Variants in ZNF423 observed in about 807,000 individuals in gnomAD.
The protein encoded by ZNF423 is Ebf-associated zinc finger protein.
Under a neutral mutation model 95.8 loss-of-function variants are expected in ZNF423, and 12 were observed. The ratio of observed to expected loss-of-function variants is 0.13; its 90% CI spans 0.08 to 0.20. ZNF423 has a LOEUF of 0.20. ZNF423 is among the 10% of genes least tolerant of loss of function. The probability of loss-of-function intolerance (pLI) is 1.00; values close to 1 mark genes in which losing one functional copy is unlikely to be tolerated. For synonymous variants in ZNF423, 749 were observed against 711.9 expected, an observed-to-expected ratio of 1.05 and a Z score of -0.83; for missense variants, 1,316 against 1,737.1, an observed-to-expected ratio of 0.76 and a Z score of 4.31.
chr16:49,595,992 A>T (rs192933362), intron 5 of ZNF423, among the ~76,000 whole-genome samples: 493 of 152,296 alleles, frequency 3.2e-3, no homozygotes, highest in Middle Eastern at 0.01. Context: ...TTAAAATCTT[A>T]AAAAGGTGCC....
At chr16:49,857,203 C>T (rs1321278355), upstream of ZNF423, among the ~76,000 whole-genome samples, 3 of 150,546 alleles carry the variant, frequency 2.0e-5, no homozygotes, top group Non-Finnish European at 4.4e-5. The surrounding 1 kb of genome is among the most constrained non-coding windows in gnomAD (Gnocchi z 6.2). Flanking sequence ...TGGGGCGCCC[C>T]GCACTGCTCC....
At chr16:49,495,123 C>T (rs1028412348) in intron 7 of ZNF423, among the ~76,000 whole-genome samples, 1 of 152,202 alleles carries the variant, frequency 6.6e-6, no homozygotes, top group Admixed American at 6.5e-5. Context: ...GCCTCGCTGC[C>T]TGCCAGGGAG....
intron 5 of ZNF423, among the ~76,000 whole-genome samples, chr16:49,610,816 A>C (rs1971698140): frequency 6.6e-6 from 1 of 152,180 alleles, no homozygotes; most frequent in South Asian, 2.1e-4. Flanking sequence ...AAGTAAAAGA[A>C]TGTAAAAGGA....
intron 1 of ZNF423, among the ~76,000 whole-genome samples, chr16:49,825,448 T>C (rs1206774790): frequency 3.3e-5 from 5 of 152,040 alleles, no homozygotes; most frequent in African/African-American, 7.2e-5. Context: ...ATATATAATA[T>C]ATACTTTTTT....
At chr16:49,645,733 G>T (rs1034177821) in intron 3 of ZNF423, among the ~76,000 whole-genome samples, 7 of 152,286 alleles carry the variant, frequency 4.6e-5, no homozygotes, top group African/African-American at 1.7e-4. Flanking sequence ...CCCACTTGTG[G>T]TGGGAGGGAC....
intron 1 of ZNF423, among the ~76,000 whole-genome samples, chr16:49,811,225 G>A (rs1299692020): frequency 6.6e-6 from 1 of 152,202 alleles, no homozygotes; most frequent in Non-Finnish European, 1.5e-5. Flanking sequence ...CAGAGGCAAT[G>A]AGGGGAGGTC....
intron 3 of ZNF423, among the ~76,000 whole-genome samples, chr16:49,714,307 G>C (rs2032637283): frequency 6.6e-6 from 1 of 152,048 alleles, no homozygotes; most frequent in African/African-American, 2.4e-5. Context: ...GTCTACTCAG[G>C]GTGCTGCTAT....
chr16:49,726,584 C>T (rs144040280), intron 3 of ZNF423, among the ~76,000 whole-genome samples: 10 of 152,246 alleles, frequency 6.6e-5, no homozygotes, highest in Middle Eastern at 3.4e-3. Context: ...ATCAGTGAGA[C>T]CTGAATTGAC....
At chr16:49,715,268 G>A (rs1415649470) in intron 3 of ZNF423, among the ~76,000 whole-genome samples, 45 of 152,216 alleles carry the variant, frequency 3.0e-4, no homozygotes, top group Admixed American at 2.9e-3. Flanking sequence ...GTTGAAGGGA[G>A]CCGCTGCTGC....
chr16:49,756,361 T>C (rs2033726787), intron 2 of ZNF423, among the ~76,000 whole-genome samples: 1 of 152,226 alleles, frequency 6.6e-6, no homozygotes, highest in African/African-American at 2.4e-5. Flanking sequence ...ATTAAAATGC[T>C]TCCCAATTTC....
intron 3 of ZNF423, among the ~76,000 whole-genome samples, chr16:49,720,125 G>A (rs2032823770): frequency 6.6e-6 from 1 of 152,200 alleles, no homozygotes; most frequent in Non-Finnish European, 1.5e-5. Flanking sequence ...AGCAGCAGAG[G>A]TTCAGGGGGA....
At chr16:49,521,979 G>A (rs1305588269) in intron 7 of ZNF423, among the ~76,000 whole-genome samples, 1 of 152,224 alleles carries the variant, frequency 6.6e-6, no homozygotes, top group East Asian at 1.9e-4. Flanking sequence ...CAGTAAGAAG[G>A]GGGCCCCCTA....
chr16:49,717,294 C>G (rs2032736563), intron 3 of ZNF423, among the ~76,000 whole-genome samples: 1 of 151,190 alleles, frequency 6.6e-6, no homozygotes, highest in Non-Finnish European at 1.5e-5. Context: ...ATACCTTCAC[C>G]ATCATAGGAA....
intron 2 of ZNF423, among the ~76,000 whole-genome samples, chr16:49,742,698 T>C (rs2033439278): frequency 1.3e-5 from 2 of 152,158 alleles, no homozygotes; most frequent in Non-Finnish European, 1.5e-5. Flanking sequence ...TCCAGCTAAT[T>C]TGTGGCCAGT....
At chr16:49,682,992 G>A (rs1487287972) in intron 3 of ZNF423, among the ~76,000 whole-genome samples, 2 of 152,154 alleles carry the variant, frequency 1.3e-5, no homozygotes, top group Non-Finnish European at 2.9e-5. Flanking sequence ...TGAGGGAGCC[G>A]CTTTTCCGCC....
intron 7 of ZNF423, among the ~76,000 whole-genome samples, chr16:49,510,359 G>T (rs892379618): frequency 6.6e-6 from 1 of 152,104 alleles, no homozygotes; most frequent in African/African-American, 2.4e-5. Context: ...CCTCATTTCT[G>T]GGGGGTGGAC....
intron 7 of ZNF423, among the ~76,000 whole-genome samples, chr16:49,496,420 T>C (rs1321499938): frequency 6.6e-6 from 1 of 152,086 alleles, no homozygotes; most frequent in Non-Finnish European, 1.5e-5. Context: ...TGACTTACCA[T>C]TAGATCTGCT....
Position 49,573,511 on chromosome 16 carries a change from T to G in ZNF423, c.3602-48017A>C, listed in dbSNP as rs543585628. ...ATCTGGAGAGAGCCTCCTTGCTATG[T>G]TGTAATGTGGCACAGGGCATCACAT... is the stretch of plus-strand genomic sequence containing the variant. On this transcript the variant is annotated intron_variant, in intron 5 of 7. Coordinates refer to ENST00000563137, the MANE Select transcript of ZNF423 (RefSeq NM_001379286.1). Among the ~76,000 whole-genome samples the G allele has an allele frequency of 1.1e-3, 172 of 152,302 alleles. 7 individuals carry two copies. Among genetic ancestry groups the G allele is most frequent in the South Asian group, 0.011 (52 of 4,818 alleles).
At chr16:49,770,303 C>T (rs183768156) in intron 2 of ZNF423, among the ~76,000 whole-genome samples, 3 of 152,230 alleles carry the variant, frequency 2.0e-5, no homozygotes, top group Non-Finnish European at 4.4e-5. Flanking sequence ...ACAACAGCAC[C>T]GAGGCTCAGC....
Sources: gnomAD v4.1 joint callset for allele counts (sites outside exome capture counted in the v4.1 genomes callset) on GRCh38, gnomAD v4.1.1 for gene constraint, Gnocchi (gnomAD v3.1) non-coding constraint, MANE v1.5 for transcripts, NCBI Gene and HGNC (gene_info 2026-07-23, HGNC 2026-07-21) for gene names.